The following ERMP1 variants were observed in gnomAD, a reference collection of about 807,000 sequenced individuals.
The protein encoded by ERMP1 is endoplasmic reticulum metallopeptidase 1, also known as Felix-ina.
Under a neutral mutation model 92.0 loss-of-function variants are expected in ERMP1, and 86 were observed. That is an observed-to-expected ratio of 0.93 (90% CI 0.79 to 1.12). The LOEUF is 1.12. ERMP1 is among the 50% of genes most tolerant of loss of function. The pLI is 0.00. For synonymous variants in ERMP1, 530 were observed against 412.8 expected (o/e 1.28, Z -3.44); for missense variants, 1,342 against 1,116.3 (o/e 1.20, Z -2.88).
chr9:5,809,175 C>T (rs1385926620), intron 8 of ERMP1, among the ~76,000 whole-genome samples: 1 of 152,148 alleles, frequency 6.6e-6, no homozygotes, highest in Non-Finnish European at 1.5e-5. Context: ...GCGCCGCCAC[C>T]TCGCCCGGCT....
At chr9:5,827,741 C>T (rs983715476) in intron 2 of ERMP1, among the ~76,000 whole-genome samples, 1 of 151,718 alleles carries the variant, frequency 6.6e-6, no homozygotes, top group East Asian at 1.9e-4. Context: ...GGCATGAACC[C>T]GGGAGGCGGA....
intron 4 of ERMP1, among the ~76,000 whole-genome samples, chr9:5,813,596 T>G (rs1324861762): frequency 6.6e-6 from 1 of 152,118 alleles, no homozygotes; most frequent in Non-Finnish European, 1.5e-5. Context: ...AATGAACATT[T>G]TTGAGCATCA....
intron 13 of ERMP1, among the ~76,000 whole-genome samples, chr9:5,795,830 A>C (rs1358536729): frequency 1.3e-5 from 2 of 152,004 alleles, no homozygotes; most frequent in Non-Finnish European, 2.9e-5. Context: ...ACCAAACAAA[A>C]ACAAAAACAA....
In ERMP1 at chr9:5,785,116, A is replaced by G. The variant is rs889039798; in HGVS notation, c.*2028T>C. 5.9e-5 allele frequency: 9 copies of G among 152,216 alleles called. No individual in the cohort carries two copies. Among genetic ancestry groups the G allele is most frequent in the Non-Finnish European group, 1.0e-4 (7 of 68,036 alleles). The allele number at this position is 152,216 out of a possible 1,614,324, so 9.4% of individuals were successfully genotyped here. ...CCCTGAGACTAGTGAGCATCTTACT[A>G]CTGACCTTGTACAATACCAAAGCTT... On this transcript the variant is annotated 3_prime_UTR_variant, in exon 15 of 15. Transcript: ENST00000339450.
At chr9:5,845,011 G>A (rs1022802357) in intron 6 of ERMP1, among the ~76,000 whole-genome samples, 1 of 152,094 alleles carries the variant, frequency 6.6e-6, no homozygotes, top group Non-Finnish European at 1.5e-5. Context: ...GCGAACAGGG[G>A]AAAATGTCCC....
At chr9:5,857,388 TG>T (rs1830390840) in intron 6 of ERMP1, among the ~76,000 whole-genome samples, 1 of 152,170 alleles carries the variant, frequency 6.6e-6, no homozygotes, top group Non-Finnish European at 1.5e-5. Context: ...TTGCCTCGGC[TG>T]GGCACGTGCA....
chr9:5,794,558 A>G (rs544067897), intron 13 of ERMP1, among the ~76,000 whole-genome samples: 1 of 152,212 alleles, frequency 6.6e-6, no homozygotes, highest in Admixed American at 6.5e-5. Context: ...GAAATGAAAG[A>G]GGGGACATCA....
At chr9:5,847,351 G>A (rs1050298412) in intron 6 of ERMP1, among the ~76,000 whole-genome samples, 30 of 152,004 alleles carry the variant, frequency 2.0e-4, no homozygotes, top group African/African-American at 5.3e-4. Flanking sequence ...CGATCCTCCC[G>A]CCTCAGCCCT....
At chr9:5,854,511 T>C (rs1386222219) in intron 6 of ERMP1, among the ~76,000 whole-genome samples, 2 of 152,136 alleles carry the variant, frequency 1.3e-5, no homozygotes, top group Non-Finnish European at 2.9e-5. Flanking sequence ...TTTAACTATT[T>C]ATTAGTCAGT....
At chr9:5,829,315 T>C (rs1829851343) in intron 2 of ERMP1, among the ~76,000 whole-genome samples, 1 of 152,156 alleles carries the variant, frequency 6.6e-6, no homozygotes, top group Non-Finnish European at 1.5e-5. Flanking sequence ...TACTGATTTT[T>C]GAAAATGCAA....
intron 10 of ERMP1, among the ~76,000 whole-genome samples, chr9:5,804,779 G>A (rs1015325968): frequency 6.6e-6 from 1 of 151,960 alleles, no homozygotes; most frequent in Non-Finnish European, 1.5e-5. Flanking sequence ...CAGGCTATTT[G>A]AAAAGAGGTA....
intron 6 of ERMP1, among the ~76,000 whole-genome samples, chr9:5,842,207 C>A (rs547011007): frequency 6.6e-6 from 1 of 152,186 alleles, no homozygotes. Context: ...GCCCCGCCCA[C>A]ATCCTGCTGA....
chr9:5,798,236 G>A (rs929423585), intron 12 of ERMP1, among the ~76,000 whole-genome samples: 1 of 151,556 alleles, frequency 6.6e-6, no homozygotes, highest in African/African-American at 2.4e-5. Flanking sequence ...TTCTTTGAGA[G>A]ACAGAGTTTT....
At position 5,805,079 on chromosome 9, in the gene ERMP1, A is replaced by C; in HGVS notation, c.1862T>G (p.Val621Gly). Residue 621 changes from valine to glycine, a missense_variant, in exon 10 of 15, where the codon GTT becomes GGT. Transcript: ENST00000339450. ...GRSGSEIPPD[V>G]VLASILAGCT... is the part of the protein sequence containing the mutation. ...GCCAGCCAAAATGGATGCCAGCACA[A>C]CATCAGGTGGGATTTCAGAACCACT... 1 of 1,613,776 alleles carries C rather than the reference A, an allele frequency of 6.2e-7. No individual in the cohort carries two copies. Among genetic ancestry groups the C allele is most frequent in the Non-Finnish European group, 8.5e-7 (1 of 1,179,958 alleles).
chr9:5,842,146 G>C (rs578254715), intron 6 of ERMP1, among the ~76,000 whole-genome samples: 1 of 152,302 alleles, frequency 6.6e-6, no homozygotes, highest in South Asian at 2.1e-4. Context: ...AAGGGGACTG[G>C]AGCAGGTTGC....
At chr9:5,847,053 C>CCTAT (rs1830245532) in intron 6 of ERMP1, among the ~76,000 whole-genome samples, 1 of 152,182 alleles carries the variant, frequency 6.6e-6, no homozygotes, top group Non-Finnish European at 1.5e-5. Context: ...CTCAGCAGCC[C>CCTAT]ATAGGCAGCC....
chr9:5,802,370 T>C (rs1828704841), intron 10 of ERMP1, among the ~76,000 whole-genome samples: 1 of 152,160 alleles, frequency 6.6e-6, no homozygotes. Context: ...AGTAGAAAAA[T>C]AACATGAATG....
chr9:5,791,387 C>T (rs964302019), intron 13 of ERMP1: 6 of 447,662 alleles, frequency 1.3e-5, no homozygotes, highest in Non-Finnish European at 2.2e-5. Context: ...CCTTCACTGA[C>T]GGGATGAGGC....
Position 5,810,969 on chromosome 9 carries a change from A to G in ERMP1, c.1327+142T>C, listed in dbSNP as rs142288697. The G allele has an allele frequency of 1.0e-4, 58 of 566,706 alleles. No individual in the cohort carries two copies. In the East Asian group the frequency reaches 1.6e-3, roughly 15 times the overall value. 35.1% of individuals were successfully genotyped at this position (566,706 alleles called of 1,614,324 possible). A position where few individuals can be genotyped will look rare whatever the true frequency, so the allele number is the denominator to read the frequency against. On this transcript the variant is annotated intron_variant, in intron 7 of 14. Coordinates refer to ENST00000339450, the MANE Select transcript of ERMP1 (RefSeq NM_024896.3). ...AGTAAAATAAGCATATTAATTTAAT[A>G]TTTAAAAATTTCTTACAATATAAAG... is the stretch of plus-strand genomic sequence containing the variant.
Sources: gnomAD v4.1 joint callset for allele counts (sites outside exome capture counted in the v4.1 genomes callset) on GRCh38, gnomAD v4.1.1 for gene constraint, MANE v1.5 for transcripts, NCBI Gene and HGNC (gene_info 2026-07-23, HGNC 2026-07-21) for gene names.